GRM3: variants seen among roughly 807,000 people sequenced by gnomAD.
The protein encoded by GRM3 is metabotropic glutamate receptor 3.
GRM3 carries 26 observed loss-of-function variants against 70.5 expected under a neutral mutation model. The observed-to-expected ratio is 0.37, with a 90% CI of 0.27 to 0.51. The LOEUF (loss-of-function observed/expected upper bound fraction) is 0.51. Ranked by LOEUF, GRM3 falls within the 20% of genes least tolerant of loss-of-function variation. The probability of loss-of-function intolerance (pLI) is 0.93; values close to 1 mark genes in which losing one functional copy is unlikely to be tolerated. For synonymous variants in GRM3, 443 were observed against 434.9 expected (o/e 1.02, Z -0.23); for missense variants, 859 against 1,123.8 (o/e 0.76, Z 3.37).
At chr7:86,769,005 A>G (rs550118297) in intron 2 of GRM3, among the ~76,000 whole-genome samples, 1 of 152,292 alleles carries the variant, frequency 6.6e-6, no homozygotes, top group Admixed American at 6.5e-5. Context: ...AGAATTCTAA[A>G]AAATATAGTC....
intron 3 of GRM3, among the ~76,000 whole-genome samples, chr7:86,801,064 C>CT (rs67046105): frequency 0.033 from 2,858 of 86,786 alleles, 149 homozygotes; most frequent in African/African-American, 0.067. Context: ...CAAACTTCTT[C>CT]TTTTTTTTTT....
chr7:86,864,132 T>C (rs1799015139), intron 5 of GRM3, 150 bp from the exon 6 acceptor site: 1 of 609,052 alleles, frequency 1.6e-6, no homozygotes, highest in Admixed American at 2.5e-5. Flanking sequence ...ACCTGGGTAG[T>C]ATACACTGAA....
At position 86,839,942 on chromosome 7, in the gene GRM3, TCTC is replaced by T. The variant is rs1351376261; in HGVS notation, c.2391+42_2391+44del. The T allele has an allele frequency of 8.5e-7, 1 of 1,175,220 alleles. No individual in the cohort carries two copies. Among genetic ancestry groups the T allele is most frequent in the Non-Finnish European group, 1.3e-6 (1 of 787,698 alleles). 72.8% of individuals were successfully genotyped at this position (1,175,220 alleles called of 1,614,324 possible). A position where few individuals can be genotyped will look rare whatever the true frequency, so the allele number is the denominator to read the frequency against. On this transcript the variant is annotated intron_variant, in intron 4 of 5. Transcript: ENST00000361669. The surrounding 1 kb of genome is among the most constrained non-coding windows in gnomAD (Gnocchi z 4.5). ...ATTGTTTCTTATTTTTCTTGTTCTT[TCTC>T]CTCCAGTGTTTCTTGTGTAGTATTT...
chr7:86,646,958 AATG>A (rs1417968199), intron 1 of GRM3, among the ~76,000 whole-genome samples: 2 of 152,230 alleles, frequency 1.3e-5, no homozygotes, highest in African/African-American at 2.4e-5. Context: ...CACATATCAA[AATG>A]ATGAGCTCAT....
At chr7:86,701,869 T>G (rs535023999) in intron 1 of GRM3, among the ~76,000 whole-genome samples, 24 of 152,040 alleles carry the variant, frequency 1.6e-4, no homozygotes, top group African/African-American at 5.5e-4. Context: ...GAATTTCCCA[T>G]GCATATGATT....
chr7:86,831,398 G>A (rs1210358299), intron 3 of GRM3, among the ~76,000 whole-genome samples: 1 of 152,106 alleles, frequency 6.6e-6, no homozygotes, highest in Non-Finnish European at 1.5e-5. Context: ...AGTACACTGT[G>A]TAATGAAGAG....
intron 1 of GRM3, among the ~76,000 whole-genome samples, chr7:86,727,755 A>C (rs1394543568): frequency 1.3e-5 from 2 of 152,156 alleles, no homozygotes; most frequent in Non-Finnish European, 2.9e-5. Flanking sequence ...ATGAGTGTAA[A>C]TGTGTATGAT....
At position 86,709,571 on chromosome 7, in the gene GRM3, G is replaced by C. The variant is rs578036467; in HGVS notation, c.-140-55435G>C. On this transcript the variant is annotated intron_variant, in intron 1 of 5. Transcript: ENST00000361669. ...CCCAGCCTTGTGGTACCTTCGGGGG[G>C]GTGGGGGTAGCAAATGGAACCACTC... 8.0e-4 allele frequency among the ~76,000 whole-genome samples: 122 copies of C among 152,068 alleles called. No individual in the cohort carries two copies. In the Middle Eastern group the frequency reaches 0.02, roughly 25 times the overall value.
chr7:86,815,091 A>G (rs1797988446), intron 3 of GRM3, among the ~76,000 whole-genome samples: 1 of 151,530 alleles, frequency 6.6e-6, no homozygotes, highest in Non-Finnish European at 1.5e-5. Context: ...TAACAGCATC[A>G]TATGTCACCC....
chr7:86,720,555 G>C (rs1795433623), intron 1 of GRM3, among the ~76,000 whole-genome samples: 2 of 152,044 alleles, frequency 1.3e-5, no homozygotes, highest in Admixed American at 1.3e-4. Context: ...AGAGGCAATA[G>C]CCTAGATATC....
chr7:86,772,051 C>A (rs1796757063), intron 2 of GRM3, among the ~76,000 whole-genome samples: 1 of 152,068 alleles, frequency 6.6e-6, no homozygotes. Flanking sequence ...CCCTCCATTA[C>A]TAAGTAAATA....
chr7:86,795,253 TTTTTA>T (rs67329784), intron 3 of GRM3, among the ~76,000 whole-genome samples: 9,724 of 123,890 alleles, frequency 0.078, 562 homozygotes, highest in African/African-American at 0.17. Flanking sequence ...TCTAGGTTAG[TTTTTA>T]TTTTATTTTA....
chr7:86,766,484 C>T (rs1031600078), intron 2 of GRM3, among the ~76,000 whole-genome samples: 1 of 151,782 alleles, frequency 6.6e-6, no homozygotes, highest in Non-Finnish European at 1.5e-5. Flanking sequence ...CATACTCTTG[C>T]AATCCTTACT....
intron 2 of GRM3, among the ~76,000 whole-genome samples, chr7:86,766,408 A>G (rs139554626): frequency 1.6e-3 from 251 of 152,230 alleles, no homozygotes; most frequent in African/African-American, 5.8e-3. Flanking sequence ...CATTTAACAC[A>G]TAACTTAAAC....
At chr7:86,817,417 A>G (rs1395925313) in intron 3 of GRM3, among the ~76,000 whole-genome samples, 1 of 151,872 alleles carries the variant, frequency 6.6e-6, no homozygotes, top group African/African-American at 2.4e-5. Flanking sequence ...TACAATTCCA[A>G]TCTTATTTAT....
chr7:86,820,443 A>G (rs1341354702), intron 3 of GRM3, among the ~76,000 whole-genome samples: 1 of 152,148 alleles, frequency 6.6e-6, no homozygotes, highest in Non-Finnish European at 1.5e-5. Flanking sequence ...AGCTTATTTC[A>G]AATAAATGCA....
intron 3 of GRM3, among the ~76,000 whole-genome samples, chr7:86,792,219 A>G (rs1156504567): frequency 6.6e-6 from 1 of 152,226 alleles, no homozygotes; most frequent in African/African-American, 2.4e-5. Flanking sequence ...TAGAGTTACA[A>G]AAGGCCTTCC....
intron 1 of GRM3, among the ~76,000 whole-genome samples, chr7:86,647,879 C>T (rs955084978): frequency 4.6e-5 from 7 of 152,174 alleles, no homozygotes; most frequent in Middle Eastern, 3.2e-3. Flanking sequence ...AAATGGATCA[C>T]GTAATGACTT....
intron 1 of GRM3, among the ~76,000 whole-genome samples, chr7:86,684,432 G>A (rs1348567347): frequency 6.6e-6 from 1 of 152,144 alleles, no homozygotes; most frequent in Non-Finnish European, 1.5e-5. Flanking sequence ...GTAAATAAAT[G>A]TCTACAGAAT....
Sources: allele counts gnomAD v4.1 joint callset (sites outside exome capture counted in the v4.1 genomes callset), GRCh38; gene constraint gnomAD v4.1.1; non-coding constraint Gnocchi (gnomAD v3.1); transcripts MANE v1.5; gene names NCBI Gene and HGNC (gene_info 2026-07-23, HGNC 2026-07-21).